SEPTIN1: variants seen among roughly 807,000 people sequenced by gnomAD.
SEPTIN1 encodes the protein septin-1.
A neutral mutation model predicts 50.7 loss-of-function variants in SEPTIN1; 52 were observed. The observed-to-expected ratio is 1.03, with a 90% CI of 0.82 to 1.29. SEPTIN1 has a LOEUF of 1.29. Ranked by LOEUF, SEPTIN1 falls within the 50% of genes most tolerant of loss-of-function variation. The pLI is 0.00. For synonymous variants in SEPTIN1, 204 were observed against 189.1 expected, an observed-to-expected ratio of 1.08 and a Z score of -0.65; for missense variants, 455 against 490.7, an observed-to-expected ratio of 0.93 and a Z score of 0.69.
Position 30,381,473 on chromosome 16 carries a change from G to T in SEPTIN1, c.321C>A (p.Cys107Ter). The T allele has an allele frequency of 1.2e-6, 2 of 1,614,078 alleles. No individual in the cohort carries two copies. Among genetic ancestry groups the T allele is most frequent in the Non-Finnish European group, 1.7e-6 (2 of 1,180,004 alleles). ...CGATGAATTTCACCACCGGAAGCCA[G>T]CTGGGTGTGGGGAGAGGATGTGAGG... ...GFGDSVDCSDCWLPVVKFIEE... is the reference protein window; with the variant it reads ...GFGDSVDCSD Residue 107 changes from cysteine to a stop codon, truncating the protein, a stop_gained and splice_region_variant, in exon 5 of 11, where the codon TGC becomes TGA. Transcript: ENST00000321367. LOFTEE classifies it high-confidence loss of function. The surrounding 1 kb of genome is among the most constrained non-coding windows in gnomAD (Gnocchi z 4.3).
In SEPTIN1 at chr16:30,382,192, C is replaced by G; in HGVS notation, c.110-13G>C. ...AGGCCTGACTCCCCTGTGGACAGAA[C>G]AGGCCCAACTGGTCAGGGGAGGGGA... On this transcript the variant is annotated splice_polypyrimidine_tract_variant and intron_variant, in intron 2 of 10. Transcript: ENST00000321367. This position sits in a 1 kb window ranked among gnomAD's most constrained non-coding sequence, Gnocchi z 4.8. 1 of 1,612,410 alleles carries G rather than the reference C, an allele frequency of 6.2e-7. No homozygotes were observed. Among genetic ancestry groups the G allele is most frequent in the Admixed American group, 1.7e-5 (1 of 59,720 alleles).
At position 30,379,087 on chromosome 16, in the gene SEPTIN1, T is replaced by C; in HGVS notation, c.872A>G (p.Tyr291Cys). The change falls in exon 9 of 11, where the codon TAC becomes TGC. Residue 291 changes from tyrosine to cysteine, a missense_variant. Physicochemically the swap from Tyr to Cys is radical, Grantham distance 194. Transcript: ENST00000321367. ...DLKEVTHDLL[Y>C]EGYRARCLQS... ...TAGGCAGCGGGCCCGGTAGCCCTCG[T>C]AGAGCAGATCGTGCGTCACCTCTTT... 1 of 1,613,974 alleles carries C rather than the reference T, an allele frequency of 6.2e-7. No individual in the cohort carries two copies. The highest frequency in any genetic ancestry group is 8.5e-7 in the Non-Finnish European group (1 of 1,179,964).
rs568381075 is a variant in SEPTIN1 at position 30,381,015 on chromosome 16, A to G, written c.573+112T>C. On this transcript the variant is annotated intron_variant, in intron 6 of 10. Transcript: ENST00000321367. This position sits in a 1 kb window ranked among gnomAD's most constrained non-coding sequence, Gnocchi z 4.3. ...GCCTTCCTCAGAAGCTTCTCCTACA[A>G]TCTAGCCTGATGCACCATGCTCCAG... 4.5e-6 allele frequency: 4 copies of G among 893,174 alleles called. No individual in the cohort carries two copies. The highest frequency in any genetic ancestry group is 1.4e-5 in the South Asian group (1 of 70,572). 55.3% of individuals were successfully genotyped at this position (893,174 alleles called of 1,614,324 possible).
rs2049847100 is a variant in SEPTIN1 at position 30,381,406 on chromosome 16, T to G, written c.388A>C (p.Asn130His). Residue 130 changes from asparagine to histidine, a missense_variant, in exon 5 of 11, where the codon AAC becomes CAC. By Grantham distance (68) the Asn-to-His change is moderately conservative (BLOSUM62 1). Transcript: ENST00000321367. This position sits in a 1 kb window ranked among gnomAD's most constrained non-coding sequence, Gnocchi z 4.3. ...CGGGAGTCCTGGATGTTCTTCCGGT[T>G]CAGGCCACTCTCATCCCTAAGGTAC... ...EQYLRDESGL[N>H]RKNIQDSRVH... 6.2e-7 allele frequency: 1 copy of G among 1,613,860 alleles called. No homozygotes were observed. Among genetic ancestry groups the G allele is most frequent in the Non-Finnish European group, 8.5e-7 (1 of 1,179,974 alleles).
In SEPTIN1 at chr16:30,378,468, C is replaced by T. The variant is rs368548834; in HGVS notation, c.1085G>A (p.Ser362Asn). 2.5e-6 allele frequency: 4 copies of T among 1,577,016 alleles called. No individual in the cohort carries two copies. The highest frequency in any genetic ancestry group is 3.4e-6 in the Non-Finnish European group (4 of 1,164,812). Residue 362 changes from serine (S) to asparagine (N), a missense_variant, in exon 11 of 11, where the codon AGC becomes AAC. Physicochemically the swap from Ser to Asn is conservative, Grantham distance 46 (BLOSUM62 1). Transcript: ENST00000321367. ...GTCTGACTGCTCGCCCTGGGCCTGG[C>T]TCTGCTGCATTTGGGCCTGCATCTT... is the stretch of plus-strand genomic sequence containing the variant. Reference protein sequence around the residue: ...LEKMQAQMQQSQAQGEQSDAL With the variant: ...LEKMQAQMQQNQAQGEQSDAL
At chr16:30,379,555 G>T (rs1314268855) in intron 7 of SEPTIN1, 21 bp from the exon 8 acceptor site, 1 of 1,584,510 alleles carries the variant, frequency 6.3e-7, no homozygotes, top group Admixed American at 1.7e-5. Flanking sequence ...GGGGGCAGGG[G>T]TTCACCATTG....
chr16:30,382,735 C>T, upstream of SEPTIN1: 1 of 1,536,346 alleles, frequency 6.5e-7, no homozygotes, highest in Non-Finnish European at 8.7e-7. This position sits in a 1 kb window ranked among gnomAD's most constrained non-coding sequence, Gnocchi z 4.8. Context: ...GTCTACGTAC[C>T]TTCAACCCTC....
chr16:30,379,214 G>A (rs371286686), intron 8 of SEPTIN1, 31 bp from the exon 9 acceptor site: 19 of 1,611,926 alleles, frequency 1.2e-5, no homozygotes, highest in Non-Finnish European at 1.5e-5. Flanking sequence ...ACCAGCGAAC[G>A]TCAGGGAGTT....
chr16:30,378,670 G>T lies in SEPTIN1; in HGVS notation c.972C>A (p.Ile324=). ...SKLSRQSATE[I]PLPMLPLADT... ...CCGCCAGAGGCAGCATGGGCAGCGG[G>T]ATCTCTGTGGCGCTCTGGCGGGAAA... Residue 324 remains isoleucine, a synonymous_variant, in exon 10 of 11, where the codon ATC becomes ATA. Coordinates refer to ENST00000321367, the MANE Select transcript of SEPTIN1 (RefSeq NM_001365977.2). The T allele has an allele frequency of 6.2e-7, 1 of 1,609,730 alleles. No individual in the cohort carries two copies.
Position 30,381,831 on chromosome 16 carries a change from T to A in SEPTIN1, c.249A>T (p.Glu83Asp). ...AIERRGVEIEEGGVKVKLTLV... is the reference protein window; with the variant it reads ...AIERRGVEIEDGGVKVKLTLV... Reference sequence around the variant, plus strand: ...GGGTCAGCTTCACTTTCACACCCCCTTCCTCAATCTCTACGCCCCGGCGCT... The same window carrying A: ...GGGTCAGCTTCACTTTCACACCCCCATCCTCAATCTCTACGCCCCGGCGCT... The change falls in exon 4 of 11, where the codon GAA becomes GAT. Residue 83 changes from glutamate to aspartate, a missense_variant. Physicochemically the swap from Glu to Asp is conservative, Grantham distance 45 (BLOSUM62 2). Transcript: ENST00000321367. This position sits in a 1 kb window ranked among gnomAD's most constrained non-coding sequence, Gnocchi z 4.3. The A allele has an allele frequency of 6.2e-7, 1 of 1,614,140 alleles. No homozygotes were observed. The highest frequency in any genetic ancestry group is 8.5e-7 in the Non-Finnish European group (1 of 1,180,006).
chr16:30,381,449 G>A lies in SEPTIN1; in HGVS notation c.345C>T (p.Ile115=), dbSNP rs771721047. ...SDCWLPVVKF[I]EEQFEQYLRD... ...TAAGGTACTGCTCAAATTGCTCCTC[G>A]ATGAATTTCACCACCGGAAGCCAGC... Residue 115 remains isoleucine (I), a synonymous_variant, in exon 5 of 11, where the codon ATC becomes ATT. Coordinates refer to ENST00000321367, the MANE Select transcript of SEPTIN1 (RefSeq NM_001365977.2). This position sits in a 1 kb window ranked among gnomAD's most constrained non-coding sequence, Gnocchi z 4.3. 8.1e-6 allele frequency: 13 copies of A among 1,613,908 alleles called. No individual in the cohort carries two copies. In the East Asian group the frequency reaches 1.1e-4, roughly 14 times the overall value.
intron 8 of SEPTIN1, 61 bp downstream of exon 8, chr16:30,379,374 G>A: frequency 2.0e-6 from 3 of 1,492,918 alleles, no homozygotes; most frequent in South Asian, 2.3e-5. Flanking sequence ...TGTTGAGTGC[G>A]CCTGACCCAG....
intron 6 of SEPTIN1, 164 bp downstream of exon 6, chr16:30,380,963 C>G (rs942093756): frequency 7.6e-5 from 53 of 696,690 alleles, no homozygotes; most frequent in Non-Finnish European, 1.2e-4. Flanking sequence ...CCTTCAGAGA[C>G]ATGGCTATGC....
At position 30,381,269 on chromosome 16, in the gene SEPTIN1, C is replaced by A; in HGVS notation, c.456-25G>T. On this transcript the variant is annotated intron_variant, in intron 5 of 10. Coordinates refer to ENST00000321367, the MANE Select transcript of SEPTIN1 (RefSeq NM_001365977.2). The surrounding 1 kb of genome is among the most constrained non-coding windows in gnomAD (Gnocchi z 4.3). ...CCTGCACCCAGGGATTGGTCATTGC[C>A]CAGCCTCAGGGGGCAGAGACCCCCC... 6.2e-7 allele frequency: 1 copy of A among 1,613,518 alleles called. No homozygotes were observed. The highest frequency in any genetic ancestry group is 8.5e-7 in the Non-Finnish European group (1 of 1,179,540).
chr16:30,378,778 G>C, intron 9 of SEPTIN1, 78 bp from the exon 10 acceptor site: 1 of 1,384,118 alleles, frequency 7.2e-7, no homozygotes, highest in Non-Finnish European at 9.9e-7. Flanking sequence ...GCAGGGCCTG[G>C]GGCGAGGTTG....
chr16:30,382,813 T>G (rs1367818777), upstream of SEPTIN1: 15 of 1,534,034 alleles, frequency 9.8e-6, no homozygotes, highest in African/African-American at 1.4e-5. This position sits in a 1 kb window ranked among gnomAD's most constrained non-coding sequence, Gnocchi z 4.8. Flanking sequence ...ATGGGGTATG[T>G]GCAGAGAGGA....
rs906166910 is a variant in SEPTIN1, at chr16:30,378,306, C to G, written c.*128G>C. ...GGCTACGGACTCAGGCTGGGAGAAC[C>G]TCCCCCTAGCCCGCGCGAGGGCGGC... On this transcript the variant is annotated 3_prime_UTR_variant, in exon 11 of 11. Transcript: ENST00000321367. The G allele has an allele frequency of 4.2e-4, 389 of 926,816 alleles. 2 individuals are homozygous for G. The highest frequency in any genetic ancestry group is 5.7e-4 in the Non-Finnish European group (359 of 630,294). The allele number at this position is 926,816 out of a possible 1,614,324, so 57.4% of individuals were successfully genotyped here.
chr16:30,380,039 G>T lies in SEPTIN1; in HGVS notation c.574-6C>A. ...TCCTTCAACTGATCCCGGATCTCAGGGGAAACAGATATAGAGACAGTGTGA... is the reference window on the plus strand; with the variant it reads ...TCCTTCAACTGATCCCGGATCTCAGTGGAAACAGATATAGAGACAGTGTGA... On this transcript the variant is annotated splice_region_variant and splice_polypyrimidine_tract_variant and intron_variant, in intron 6 of 10. Transcript: ENST00000321367. The T allele has an allele frequency of 6.2e-7, 1 of 1,607,712 alleles. No homozygotes were observed. Among genetic ancestry groups the T allele is most frequent in the South Asian group, 1.1e-5 (1 of 90,272 alleles).
rs1002467867 is a variant in SEPTIN1 at position 30,381,870 on chromosome 16, C to T, written c.210G>A (p.Gln70=). The part of the protein sequence containing the change: ...QVPEASARLT[Q]TLAIERRGVE... ...CGCCCCGGCGCTCAATGGCCAGGGT[C>T]TGTGTCAAGCGAGCTGTGGGATGGG... is the stretch of plus-strand genomic sequence containing the variant. Residue 70 remains glutamine, a synonymous_variant, in exon 4 of 11, where the codon CAG becomes CAA. Coordinates refer to ENST00000321367, the MANE Select transcript of SEPTIN1 (RefSeq NM_001365977.2). This position sits in a 1 kb window ranked among gnomAD's most constrained non-coding sequence, Gnocchi z 4.3. 2.5e-6 allele frequency: 4 copies of T among 1,614,042 alleles called. No homozygotes were observed. The highest frequency in any genetic ancestry group is 1.7e-5 in the Admixed American group (1 of 60,004).
Sources: gnomAD v4.1 joint callset for allele counts on GRCh38, gnomAD v4.1.1 for gene constraint, Gnocchi (gnomAD v3.1) non-coding constraint, MANE v1.5 for transcripts, NCBI Gene and HGNC (gene_info 2026-07-23, HGNC 2026-07-21) for gene names.